Variants in LONP2 observed in about 807,000 individuals in gnomAD.
LONP2 encodes the protein lon protease homolog 2, peroxisomal.
Under a neutral mutation model 85.6 loss-of-function variants are expected in LONP2, and 60 were observed. The observed-to-expected ratio is 0.70, with a 90% CI of 0.57 to 0.87. The LOEUF (loss-of-function observed/expected upper bound fraction) is 0.87, where lower values mean the gene tolerates loss of function less well. Ranked by LOEUF, LONP2 falls within the 40% of genes least tolerant of loss-of-function variation. The pLI is 0.00. For synonymous variants in LONP2, 395 were observed against 389.7 expected (o/e 1.01, Z -0.16); for missense variants, 860 against 1,063.5 (o/e 0.81, Z 2.66).
intron 12 of LONP2, among the ~76,000 whole-genome samples, chr16:48,338,527 T>C (rs994992951): frequency 6.6e-6 from 1 of 152,184 alleles, no homozygotes; most frequent in African/African-American, 2.4e-5. Flanking sequence ...GTAGTAGTGC[T>C]GTTTACTGAG....
At chr16:48,271,313 A>G (rs1972100822) in intron 7 of LONP2, among the ~76,000 whole-genome samples, 2 of 152,216 alleles carry the variant, frequency 1.3e-5, no homozygotes, top group Non-Finnish European at 2.9e-5. Flanking sequence ...GAAAGCATGA[A>G]TTTACATTTC....
chr16:48,251,190 G>A (rs1039468721), intron 1 of LONP2, among the ~76,000 whole-genome samples: 4 of 152,142 alleles, frequency 2.6e-5, no homozygotes, highest in Non-Finnish European at 1.5e-5. Context: ...ATGGGCAGGT[G>A]TGGTGTTCTT....
intron 11 of LONP2, among the ~76,000 whole-genome samples, chr16:48,316,917 A>G (rs1038237704): frequency 7.2e-5 from 11 of 152,106 alleles, no homozygotes; most frequent in Admixed American, 7.2e-4. Flanking sequence ...TGTAACTATT[A>G]TCCTCTGAAA....
At chr16:48,256,763 G>T (rs766487652) in intron 3 of LONP2, 22 bp downstream of exon 3, 2 of 1,606,884 alleles carry the variant, frequency 1.2e-6, no homozygotes, top group South Asian at 1.1e-5. Context: ...CCTTTTGAAC[G>T]CCAGGTTGCT....
intron 14 of LONP2, among the ~76,000 whole-genome samples, chr16:48,349,425 C>T (rs373395218): frequency 3.3e-5 from 5 of 152,142 alleles, no homozygotes; most frequent in African/African-American, 1.2e-4. Context: ...CATGCGCCAC[C>T]ACGCCCGGAT....
At position 48,244,466 on chromosome 16, in the gene LONP2, C is replaced by T. The variant is rs1971220903; in HGVS notation, c.78C>T (p.Gly26=). The change falls in exon 1 of 15, where the codon GGC becomes GGT. Residue 26 remains glycine, a synonymous_variant. Coordinates refer to ENST00000285737, the MANE Select transcript of LONP2 (RefSeq NM_031490.5). ...CCCACGAGGGCGTCCTGCTGCCCGG[C>T]TCCACCATGCGCACCAGCGTGGACT... The part of the protein sequence containing the change: ...LLTHEGVLLP[G]STMRTSVDSA... 1.3e-6 allele frequency: 2 copies of T among 1,597,162 alleles called. No individual in the cohort carries two copies. Among genetic ancestry groups the T allele is most frequent in the Non-Finnish European group, 1.7e-6 (2 of 1,175,992 alleles).
chr16:48,288,428 C>T (rs1972494217), intron 8 of LONP2, among the ~76,000 whole-genome samples: 3 of 152,146 alleles, frequency 2.0e-5, no homozygotes. Flanking sequence ...GCTGGTATTA[C>T]AGGCATGAGC....
At chr16:48,347,817 G>C in intron 13 of LONP2, 103 bp downstream of exon 13, 1 of 1,108,646 alleles carries the variant, frequency 9.0e-7, no homozygotes, top group South Asian at 1.5e-5. Flanking sequence ...ATCTAGCAAA[G>C]TACACACCGT....
Position 48,341,600 on chromosome 16 carries a change from T to C in LONP2, c.1939-5907T>C, listed in dbSNP as rs1045106007. The stretch of plus-strand genomic sequence containing the variant: ...GCCCCACCTCCAGCACTGAGGATTA[T>C]AGTTCAACATGAGATTTGGTGGAGA... On this transcript the variant is annotated intron_variant, in intron 12 of 14. Coordinates refer to ENST00000285737, the MANE Select transcript of LONP2 (RefSeq NM_031490.5). 3.9e-5 allele frequency among the ~76,000 whole-genome samples: 6 copies of C among 152,296 alleles called. 1 individual carries two copies. The highest frequency in any genetic ancestry group is 6.8e-3 in the Middle Eastern group (2 of 294).
At chr16:48,361,533 T>C (rs746434222), downstream of LONP2, 1 of 1,590,614 alleles carries the variant, frequency 6.3e-7, no homozygotes. Context: ...TTATTTTCTG[T>C]GAAACTGAAG....
chr16:48,246,198 G>C (rs1179218714), intron 1 of LONP2, among the ~76,000 whole-genome samples: 4 of 151,880 alleles, frequency 2.6e-5, no homozygotes, highest in Admixed American at 1.3e-4. Flanking sequence ...TATTGTAAAA[G>C]CCTTGATTTT....
At chr16:48,320,177 A>AG (rs1973233004) in intron 11 of LONP2, among the ~76,000 whole-genome samples, 1 of 151,750 alleles carries the variant, frequency 6.6e-6, no homozygotes, top group Non-Finnish European at 1.5e-5. Flanking sequence ...AAAAAAAAAA[A>AG]AAGAATTTTT....
chr16:48,361,587 A>G (rs1960598291), downstream of LONP2: 1 of 1,612,006 alleles, frequency 6.2e-7, no homozygotes, highest in Non-Finnish European at 8.5e-7. Flanking sequence ...ATTTCAACAC[A>G]TGGAAATAGT....
At chr16:48,295,219 A>C (rs1972642549) in intron 8 of LONP2, among the ~76,000 whole-genome samples, 1 of 152,190 alleles carries the variant, frequency 6.6e-6, no homozygotes, top group South Asian at 2.1e-4. Flanking sequence ...TAAAAATACA[A>C]AAGTTAGCCA....
At chr16:48,344,018 TA>T (rs1269835356) in intron 12 of LONP2, 1 of 152,256 alleles carries the variant, frequency 6.6e-6, no homozygotes, top group Non-Finnish European at 1.5e-5. Context: ...TTTATGGGAC[TA>T]GAAGCTGAAA....
downstream of LONP2, among the ~76,000 whole-genome samples, chr16:48,360,041 A>G (rs1960519700): frequency 6.6e-6 from 1 of 152,258 alleles, no homozygotes; most frequent in Non-Finnish European, 1.5e-5. Context: ...GGATGCTGAT[A>G]TGAGCAAAGC....
intron 12 of LONP2, among the ~76,000 whole-genome samples, chr16:48,342,478 C>G (rs2151029885): frequency 6.6e-6 from 1 of 152,334 alleles, no homozygotes; most frequent in South Asian, 2.1e-4. Context: ...GAAGGCAGCA[C>G]TGATGCTGCA....
intron 11 of LONP2, among the ~76,000 whole-genome samples, chr16:48,310,346 AT>A (rs1038088290): frequency 2.3e-4 from 33 of 144,358 alleles, no homozygotes; most frequent in South Asian, 1.3e-3. Flanking sequence ...TGCTTTGTAG[AT>A]TTTTTTTTTT....
rs138561378 is a variant in LONP2 at position 48,265,477 on chromosome 16, C to G, written c.982+2605C>G. On this transcript the variant is annotated intron_variant, in intron 6 of 14. Transcript: ENST00000285737. ...ACAACATTTTCTTGAAGAGACTGCC[C>G]TTTCCCTATTGTATATTCTTGGTGC... Among the ~76,000 whole-genome samples the G allele has an allele frequency of 2.0e-5, 3 of 152,264 alleles. No individual in the cohort carries two copies. The East Asian group carries it at 5.8e-4, about 29-fold the overall frequency.
Sources: gnomAD v4.1 joint callset for allele counts (sites outside exome capture counted in the v4.1 genomes callset) on GRCh38, gnomAD v4.1.1 for gene constraint, MANE v1.5 for transcripts, NCBI Gene and HGNC (gene_info 2026-07-23, HGNC 2026-07-21) for gene names.